Variants in TLE5 observed in about 807,000 individuals in gnomAD.
The protein encoded by TLE5 is TLE family member 5.
TLE5 carries 7 observed loss-of-function variants against 25.8 expected under a neutral mutation model. That is an observed-to-expected ratio of 0.27 (90% CI 0.15 to 0.51). The LOEUF (loss-of-function observed/expected upper bound fraction) is 0.51, where lower values mean the gene tolerates loss of function less well. Among genes scored for constraint, TLE5 ranks in the 20% least tolerant of loss-of-function variants. TLE5 has a pLI of 0.97. For missense variants in TLE5, 149 were observed against 250.7 expected (o/e 0.59, Z 2.74); for synonymous variants, 132 against 110.5 (o/e 1.20, Z -1.22).
At chr19:3,056,598 G>T (rs1212249587) in intron 3 of TLE5, 2 of 665,532 alleles carry the variant, frequency 3.0e-6, no homozygotes, top group Non-Finnish European at 5.5e-6. Flanking sequence ...GATGGAGACT[G>T]GGGGCACTTT....
At chr19:3,062,666 G>A (rs935336249), upstream of TLE5, 2 of 1,354,742 alleles carry the variant, frequency 1.5e-6, no homozygotes, top group African/African-American at 1.5e-5. Context: ...GCCCGCCCCC[G>A]CCCCGGGCAG....
chr19:3,055,930 G>A lies in TLE5; in HGVS notation c.235-204C>T. On this transcript the variant is annotated intron_variant, in intron 4 of 6. Transcript: ENST00000327141. The stretch of plus-strand genomic sequence containing the variant: ...GCAAAGGTGGGGCTGGACACCGGCT[G>A]TCGCCTGCAGCTTAGAGTGAGGTAA... 5.5e-6 allele frequency: 3 copies of A among 548,592 alleles called. No individual in the cohort carries two copies. The South Asian group carries it at 7.9e-5, about 14-fold the overall frequency. The allele number at this position is 548,592 out of a possible 1,614,324, so 34.0% of individuals were successfully genotyped here. A position where few individuals can be genotyped will look rare whatever the true frequency, so the allele number is the denominator to read the frequency against.
chr19:3,061,892 G>GGC (rs1376598164), intron 1 of TLE5, among the ~76,000 whole-genome samples: 2 of 145,178 alleles, frequency 1.4e-5, no homozygotes, highest in Admixed American at 6.7e-5. Context: ...GGGTTGGGGG[G>GGC]GGGGGGCGCC....
At chr19:3,057,171 T>A (rs2090226273) in intron 3 of TLE5, among the ~76,000 whole-genome samples, 1 of 152,168 alleles carries the variant, frequency 6.6e-6, no homozygotes, top group Admixed American at 6.5e-5. Flanking sequence ...GCAGAAATCG[T>A]CACCTGGCAG....
rs1477155070 is a variant in TLE5 at position 3,062,335 on chromosome 19, G to A, written c.-135C>T. On this transcript the variant is annotated 5_prime_UTR_variant, in exon 1 of 7. Transcript: ENST00000327141. ...GGGGCCGCCGCCGCCTCCCGCGCCCGGCCTCGCCCGCTTCCTGCGCCCCCT... is the reference window on the plus strand; with the variant it reads ...GGGGCCGCCGCCGCCTCCCGCGCCCAGCCTCGCCCGCTTCCTGCGCCCCCT... 2.0e-6 allele frequency: 2 copies of A among 976,184 alleles called. No individual in the cohort carries two copies. The highest frequency in any genetic ancestry group is 1.8e-5 in the African/African-American group (1 of 55,632). 60.5% of individuals were successfully genotyped at this position (976,184 alleles called of 1,614,324 possible).
chr19:3,054,086 T>TCGGGGGGGCCCCCCCCCCCCC, intron 6 of TLE5, 34 bp downstream of exon 6: 1 of 1,512,814 alleles, frequency 6.6e-7, no homozygotes, highest in Non-Finnish European at 8.9e-7. Context: ...GGCCCACCTG[T>TCGGGGGGGCCCCCCCCCCCCC]CCCCCGCCCA....
At chr19:3,055,271 TC>T (rs1405582848) in intron 5 of TLE5, 1 of 160,984 alleles carries the variant, frequency 6.2e-6, no homozygotes, top group Non-Finnish European at 1.3e-5. Flanking sequence ...TCCCCCACAA[TC>T]CCCTAACACC....
rs1182381176 is a variant in TLE5, at chr19:3,053,437, A to G, written c.*382T>C. On this transcript the variant is annotated 3_prime_UTR_variant, in exon 7 of 7. Coordinates refer to ENST00000327141, the MANE Select transcript of TLE5 (RefSeq NM_001130.6). The stretch of plus-strand genomic sequence containing the variant: ...ATTGCGTGCATGCAGTACCAGGGTG[A>G]GAGGGCTGTGGCCCAGGCAGACTGT... 2 of 264,332 alleles carry G rather than the reference A, an allele frequency of 7.6e-6. No homozygotes were observed. The highest frequency in any genetic ancestry group is 5.5e-5 in the South Asian group (1 of 18,192). 16.4% of individuals were successfully genotyped at this position (264,332 alleles called of 1,614,324 possible).
At chr19:3,062,649 G>GGGCCC, upstream of TLE5, 6 of 1,283,388 alleles carry the variant, frequency 4.7e-6, no homozygotes, top group Non-Finnish European at 5.9e-6. Context: ...CGGTGACCTT[G>GGGCCC]GGCCCGGCCC....
In TLE5 at chr19:3,054,103, C is replaced by A; in HGVS notation, c.372+17G>T. 2.6e-6 allele frequency: 4 copies of A among 1,531,956 alleles called. No individual in the cohort carries two copies. The highest frequency in any genetic ancestry group is 2.4e-5 in the East Asian group (1 of 42,226). 94.9% of individuals were successfully genotyped at this position (1,531,956 alleles called of 1,614,324 possible). On this transcript the variant is annotated intron_variant, in intron 6 of 6. Coordinates refer to ENST00000327141, the MANE Select transcript of TLE5 (RefSeq NM_001130.6). ...CCCACCTGTCCCCCGCCCACCCGCC[C>A]AGGTCCCCATACATACTCGGATGAT...
At chr19:3,057,840 C>T (rs2090233600) in intron 2 of TLE5, 98 bp from the exon 3 acceptor site, 2 of 1,146,282 alleles carry the variant, frequency 1.7e-6, no homozygotes, top group African/African-American at 1.5e-5. Context: ...GCTCCAAGTC[C>T]CCTGTAAGGG....
At chr19:3,062,582 GC>G, upstream of TLE5, 28 of 921,884 alleles carry the variant, frequency 3.0e-5, no homozygotes, top group Middle Eastern at 5.4e-4. Context: ...GGACGCGCGC[GC>G]CCGGGGAGGC....
intron 5 of TLE5, chr19:3,055,110 C>G (rs2090205895): frequency 6.6e-6 from 1 of 152,374 alleles, no homozygotes; most frequent in Non-Finnish European, 1.5e-5. Flanking sequence ...ATCACGTGTG[C>G]CCACGTGTAG....
In TLE5 at chr19:3,062,390, G is replaced by GGCCCCGCTTCCTGCGCGCCCGGC. The variant is rs2090279505; in HGVS notation, c.-213_-191dup. On this transcript the variant is annotated 5_prime_UTR_variant, in exon 1 of 7. Transcript: ENST00000327141. ...GCGCGCCCGGCCCCGGCGCGCCCCGGGCCCCGCTTCCTGCGCGCCCGGCGC... is the reference window on the plus strand; with the variant it reads ...GCGCGCCCGGCCCCGGCGCGCCCCGGGCCCCGCTTCCTGCGCGCCCGGCGCCCCGCTTCCTGCGCGCCCGGCGC... 1.1e-6 allele frequency: 1 copy of GGCCCCGCTTCCTGCGCGCCCGGC among 919,292 alleles called. No individual in the cohort carries two copies. Among genetic ancestry groups the GGCCCCGCTTCCTGCGCGCCCGGC allele is most frequent in the Admixed American group, 6.6e-5 (1 of 15,182 alleles). The allele number at this position is 919,292 out of a possible 1,614,324, so 56.9% of individuals were successfully genotyped here.
rs1255736003 is a variant in TLE5 at position 3,061,386 on chromosome 19, C to A, written c.28-129G>T. ...GCCCCACTTCCTGGGCCCGTGTTTA[C>A]GGCCCCTGGCGCGACCCCACCCGCG... On this transcript the variant is annotated intron_variant, in intron 1 of 6. Transcript: ENST00000327141. 1.2e-5 allele frequency: 7 copies of A among 591,368 alleles called. No individual in the cohort carries two copies. The South Asian group carries it at 1.3e-4, about 11-fold the overall frequency. The allele number at this position is 591,368 out of a possible 1,614,324, so 36.6% of individuals were successfully genotyped here. A position where few individuals can be genotyped will look rare whatever the true frequency, so the allele number is the denominator to read the frequency against.
intron 1 of TLE5, 41 bp from the exon 2 acceptor site, chr19:3,061,298 C>G (rs767773977): frequency 1.3e-6 from 2 of 1,522,576 alleles, no homozygotes; most frequent in African/African-American, 1.4e-5. Flanking sequence ...CAGGCGTGGG[C>G]TGGACCCCCC....
At chr19:3,060,328 CTTTTTTTTTTTT>C (rs990199468) in intron 2 of TLE5, among the ~76,000 whole-genome samples, 8 of 93,200 alleles carry the variant, frequency 8.6e-5, no homozygotes, top group Middle Eastern at 0.01. Flanking sequence ...TTTTTTCTTT[CTTTTTTTTTTTT>C]TTTTTTTTTT....
rs2090279245 is a variant in TLE5, at chr19:3,062,372, C to A, written c.-172G>T. ...TTCCTGCGCCCCCTCCCCGCGCGCC[C>A]GGCCCCGGCGCGCCCCGGGCCCCGC... On this transcript the variant is annotated 5_prime_UTR_variant, in exon 1 of 7. Transcript: ENST00000327141. The A allele has an allele frequency of 1.0e-6, 1 of 967,336 alleles. No individual in the cohort carries two copies. The highest frequency in any genetic ancestry group is 1.2e-6 in the Non-Finnish European group (1 of 817,858). 59.9% of individuals were successfully genotyped at this position (967,336 alleles called of 1,614,324 possible).
intron 2 of TLE5, among the ~76,000 whole-genome samples, chr19:3,060,328 CTTTTTTTTTT>C (rs990199468): frequency 6.4e-5 from 6 of 93,216 alleles, no homozygotes; most frequent in African/African-American, 2.2e-4. Flanking sequence ...TTTTTTCTTT[CTTTTTTTTTT>C]TTTTTTTTTT....
Sources: gnomAD v4.1 joint callset for allele counts (sites outside exome capture counted in the v4.1 genomes callset) on GRCh38, gnomAD v4.1.1 for gene constraint, MANE v1.5 for transcripts, NCBI Gene and HGNC (gene_info 2026-07-23, HGNC 2026-07-21) for gene names.